The following SLC1A3 variants were observed in gnomAD, a reference collection of about 807,000 sequenced individuals.
SLC1A3 encodes the protein solute carrier family 1 member 3.
A neutral mutation model predicts 48.1 loss-of-function variants in SLC1A3; 21 were observed. The observed-to-expected ratio is 0.44, with a 90% CI of 0.31 to 0.63. The LOEUF (loss-of-function observed/expected upper bound fraction) is 0.63, where lower values mean the gene tolerates loss of function less well. SLC1A3 is among the 20% of genes least tolerant of loss of function. The probability of loss-of-function intolerance (pLI) is 0.08; values close to 1 mark genes in which losing one functional copy is unlikely to be tolerated. For synonymous variants in SLC1A3, 239 were observed against 251.4 expected (o/e 0.95, Z 0.47); for missense variants, 546 against 689.0 (o/e 0.79, Z 2.32).
At chr5:36,625,939 A>G (rs1739887131) in intron 2 of SLC1A3, among the ~76,000 whole-genome samples, 1 of 152,174 alleles carries the variant, frequency 6.6e-6, no homozygotes, top group Admixed American at 6.5e-5. Flanking sequence ...CACACACAAA[A>G]TATCACCACC....
At chr5:36,630,237 TG>T (rs1184387208) in intron 3 of SLC1A3, among the ~76,000 whole-genome samples, 1 of 152,124 alleles carries the variant, frequency 6.6e-6, no homozygotes, top group East Asian at 1.9e-4. Flanking sequence ...TTTTAACAAG[TG>T]GAAGCTTTGC....
Position 36,609,153 on chromosome 5 carries a change from A to G in SLC1A3, c.181+549A>G, listed in dbSNP as rs1739092228. 1.0e-5 allele frequency: 10 copies of G among 985,522 alleles called. No homozygotes were observed. The South Asian group carries it at 3.3e-4, about 32-fold the overall frequency. The allele number at this position is 985,522 out of a possible 1,614,324, so 61.0% of individuals were successfully genotyped here. The stretch of plus-strand genomic sequence containing the variant: ...TAGATTGGGGAAAATGTTAACACAG[A>G]TCTCTTTCATTCATTGCTTTGCAGA... On this transcript the variant is annotated intron_variant, in intron 2 of 9. Transcript: ENST00000265113.
intron 3 of SLC1A3, among the ~76,000 whole-genome samples, chr5:36,667,495 C>A (rs1741798878): frequency 6.6e-6 from 1 of 152,194 alleles, no homozygotes; most frequent in African/African-American, 2.4e-5. Flanking sequence ...AGTAAGAATA[C>A]TCTCTTGGAA....
intron 2 of SLC1A3, among the ~76,000 whole-genome samples, chr5:36,623,661 G>A (rs925311270): frequency 7.4e-5 from 11 of 149,494 alleles, no homozygotes; most frequent in Non-Finnish European, 1.3e-4. Context: ...TGAGACTACC[G>A]TGACCAACAA....
At position 36,686,361 on chromosome 5, in the gene SLC1A3, C is replaced by A. The variant is rs1425661624; in HGVS notation, c.*92C>A. ...ATTACAGCTCATTCGCTCCAGCAAG[C>A]CCGTCATCTTCCCTTTCCTCCCTTC... On this transcript the variant is annotated 3_prime_UTR_variant, in exon 10 of 10. Transcript: ENST00000265113. 1 of 985,858 alleles carries A rather than the reference C, an allele frequency of 1.0e-6. No homozygotes were observed. The highest frequency in any genetic ancestry group is 1.6e-6 in the Non-Finnish European group (1 of 616,224). The allele number at this position is 985,858 out of a possible 1,614,324, so 61.1% of individuals were successfully genotyped here.
intron 3 of SLC1A3, among the ~76,000 whole-genome samples, chr5:36,631,090 C>T (rs536361252): frequency 6.6e-6 from 1 of 152,340 alleles, no homozygotes; most frequent in South Asian, 2.1e-4. Flanking sequence ...AGAGCAGAGT[C>T]TCTCCTCACC....
chr5:36,607,677 CAG>C (rs940899168), intron 1 of SLC1A3, among the ~76,000 whole-genome samples: 1 of 152,078 alleles, frequency 6.6e-6, no homozygotes, highest in African/African-American at 2.4e-5. Flanking sequence ...TAGATGTGCC[CAG>C]AGCACTTTGC....
intron 3 of SLC1A3, among the ~76,000 whole-genome samples, chr5:36,651,702 G>A (rs1432542746): frequency 6.6e-6 from 1 of 151,906 alleles, no homozygotes; most frequent in Non-Finnish European, 1.5e-5. Context: ...CAGCCCCATT[G>A]CCAGTCTCCA....
upstream of SLC1A3, among the ~76,000 whole-genome samples, chr5:36,604,909 G>GA (rs924807431): frequency 6.3e-5 from 4 of 63,260 alleles, 1 homozygote. Context: ...AAAGCGGTGG[G>GA]GGGGGGGGGT....
chr5:36,677,363 C>A (rs775293544), intron 6 of SLC1A3, among the ~76,000 whole-genome samples, 179 bp downstream of exon 6: 5 of 152,202 alleles, frequency 3.3e-5, no homozygotes, highest in Non-Finnish European at 7.3e-5. Context: ...TATCTGCAAG[C>A]CTCTTCTAAT....
chr5:36,598,807 A>AGACTGG (rs951918034), intron 1 of SLC1A3, among the ~76,000 whole-genome samples: 1 of 152,098 alleles, frequency 6.6e-6, no homozygotes, highest in Non-Finnish European at 1.5e-5. Flanking sequence ...TTTTTTATAG[A>AGACTGG]GACTGGGACT....
chr5:36,605,713 A>C (rs978869140), upstream of SLC1A3, among the ~76,000 whole-genome samples: 36 of 152,300 alleles, frequency 2.4e-4, no homozygotes, highest in African/African-American at 8.4e-4. Context: ...CACCTCAAAA[A>C]AATTTTTTTT....
intron 2 of SLC1A3, among the ~76,000 whole-genome samples, chr5:36,614,110 G>A (rs1739328108): frequency 1.3e-5 from 2 of 152,172 alleles, no homozygotes; most frequent in Non-Finnish European, 2.9e-5. Flanking sequence ...GTTTCTTCAT[G>A]TATAAAACAG....
upstream of SLC1A3, among the ~76,000 whole-genome samples, chr5:36,602,846 C>A (rs11743817): frequency 6.6e-6 from 1 of 152,200 alleles, no homozygotes; most frequent in African/African-American, 2.4e-5. Context: ...GAGCCACATG[C>A]TGATAACTAA....
upstream of SLC1A3, among the ~76,000 whole-genome samples, chr5:36,602,009 G>T (rs1303008126): frequency 1.3e-5 from 2 of 152,134 alleles, no homozygotes; most frequent in South Asian, 4.2e-4. Context: ...TAGACAGGGA[G>T]AATTGCAGCA....
chr5:36,641,940 CA>C (rs1740632631), intron 3 of SLC1A3, among the ~76,000 whole-genome samples: 1 of 152,246 alleles, frequency 6.6e-6, no homozygotes, highest in African/African-American at 2.4e-5. Flanking sequence ...GCATGATTGA[CA>C]ATTTCAAATG....
In SLC1A3 at chr5:36,651,776, A is replaced by C. The variant is rs111569223; in HGVS notation, c.320-19253A>C. ...TTTGTTCAGCTCTCCATCCCTGGGG[A>C]CAGACAGAAATCATCTTTCGAGATT... On this transcript the variant is annotated intron_variant, in intron 3 of 9. Transcript: ENST00000265113. Among the ~76,000 whole-genome samples the C allele has an allele frequency of 8.3e-3, 1,262 of 152,198 alleles. 17 individuals carry two copies. Among genetic ancestry groups the C allele is most frequent in the African/African-American group, 0.028 (1,178 of 41,500 alleles).
At chr5:36,665,025 G>A (rs954041874) in intron 3 of SLC1A3, among the ~76,000 whole-genome samples, 9 of 151,196 alleles carry the variant, frequency 6.0e-5, no homozygotes, top group African/African-American at 1.7e-4. Context: ...ATGAAACTCC[G>A]GGTGCCGCTG....
Position 36,667,176 on chromosome 5 carries a change from C to A in SLC1A3, c.320-3853C>A, listed in dbSNP as rs556531131. 3.9e-5 allele frequency among the ~76,000 whole-genome samples: 6 copies of A among 152,274 alleles called. No individual in the cohort carries two copies. The South Asian group carries it at 1.2e-3, about 32-fold the overall frequency. On this transcript the variant is annotated intron_variant, in intron 3 of 9. Coordinates refer to ENST00000265113, the MANE Select transcript of SLC1A3 (RefSeq NM_004172.5). ...CCAGCAAATATCCACGGCTCTCCAC[C>A]CTCCATTAAACATGCTCTGGGCTGT...
Sources: gnomAD v4.1 joint callset for allele counts (sites outside exome capture counted in the v4.1 genomes callset) on GRCh38, gnomAD v4.1.1 for gene constraint, MANE v1.5 for transcripts, NCBI Gene and HGNC (gene_info 2026-07-23, HGNC 2026-07-21) for gene names.